Variants in TMEM132C observed in about 807,000 individuals in gnomAD.
The protein encoded by TMEM132C is protein phosphatase 1, regulatory subunit 152.
TMEM132C carries 29 observed loss-of-function variants against 61.4 expected under a neutral mutation model. The observed-to-expected ratio is 0.47, with a 90% confidence interval of 0.35 to 0.64. TMEM132C has a LOEUF of 0.64. Ranked by LOEUF, TMEM132C falls within the 30% of genes least tolerant of loss-of-function variation. The pLI, the probability that TMEM132C is intolerant of heterozygous loss-of-function variation, is 0.00. For missense variants in TMEM132C, 1,408 were observed against 1,476.9 expected (o/e 0.95, Z 0.76); for synonymous variants, 656 against 633.1 (o/e 1.04, Z -0.54).
intron 2 of TMEM132C, among the ~76,000 whole-genome samples, chr12:128,542,943 G>T (rs146417999): frequency 6.6e-6 from 1 of 151,146 alleles, no homozygotes. Flanking sequence ...ACTGTCTTAT[G>T]CCTTTTAAAA....
At chr12:128,433,948 C>T (rs1467798371) in intron 2 of TMEM132C, among the ~76,000 whole-genome samples, 4 of 152,172 alleles carry the variant, frequency 2.6e-5, no homozygotes, top group East Asian at 3.9e-4. Flanking sequence ...AAAAAGAAGG[C>T]GTCAGTGGGC....
chr12:128,492,281 T>C (rs1871765415), intron 2 of TMEM132C, among the ~76,000 whole-genome samples: 1 of 152,244 alleles, frequency 6.6e-6, no homozygotes, highest in African/African-American at 2.4e-5. Context: ...TCCAAGTCTT[T>C]GCTATTGTGA....
intron 1 of TMEM132C, among the ~76,000 whole-genome samples, chr12:128,332,363 G>A (rs903995797): frequency 1.1e-4 from 17 of 152,162 alleles, no homozygotes; most frequent in Admixed American, 3.9e-4. Flanking sequence ...CAGAACTATC[G>A]TCTAGAAATA....
intron 7 of TMEM132C, 124 bp downstream of exon 7, chr12:128,696,227 A>G: frequency 7.5e-7 from 1 of 1,325,320 alleles, no homozygotes; most frequent in Non-Finnish European, 1.0e-6. Flanking sequence ...GGAACACAGG[A>G]AGATGAGCCC....
intron 2 of TMEM132C, among the ~76,000 whole-genome samples, chr12:128,494,279 A>T (rs936264424): frequency 6.6e-6 from 1 of 152,088 alleles, no homozygotes; most frequent in Non-Finnish European, 1.5e-5. Flanking sequence ...TTTTTGCATC[A>T]ATGTTCATCA....
At chr12:128,400,793 G>A (rs1875130347) in intron 1 of TMEM132C, among the ~76,000 whole-genome samples, 1 of 151,658 alleles carries the variant, frequency 6.6e-6, no homozygotes, top group Non-Finnish European at 1.5e-5. Context: ...ATTTTTTTGT[G>A]GAGATGGGGT....
chr12:128,335,848 A>C (rs1026140214), intron 1 of TMEM132C, among the ~76,000 whole-genome samples: 3 of 152,204 alleles, frequency 2.0e-5, no homozygotes, highest in African/African-American at 7.2e-5. Flanking sequence ...AAATGGAGAA[A>C]TGTATCCTTG....
intron 2 of TMEM132C, among the ~76,000 whole-genome samples, chr12:128,496,781 C>A (rs1388986006): frequency 1.3e-5 from 2 of 152,200 alleles, no homozygotes; most frequent in Non-Finnish European, 2.9e-5. Context: ...GTTCGAACTT[C>A]TTCCTTTAGC....
chr12:128,400,791 G>C (rs114417342), intron 1 of TMEM132C, among the ~76,000 whole-genome samples: 4,411 of 151,704 alleles, frequency 0.029, 206 homozygotes, highest in African/African-American at 0.1. Context: ...GCATTTTTTT[G>C]TGGAGATGGG....
chr12:128,446,524 A>C (rs991154327), intron 2 of TMEM132C, among the ~76,000 whole-genome samples: 4 of 152,206 alleles, frequency 2.6e-5, no homozygotes, highest in African/African-American at 9.6e-5. Flanking sequence ...AAGGCATTTA[A>C]ATTTCTCCAT....
chr12:128,600,669 G>A (rs564883218), intron 3 of TMEM132C, among the ~76,000 whole-genome samples: 14 of 152,254 alleles, frequency 9.2e-5, no homozygotes, highest in East Asian at 7.8e-4. Context: ...GTCTCCTCGC[G>A]TGTCTTTAGC....
chr12:128,651,720 G>A (rs75952139), intron 4 of TMEM132C, among the ~76,000 whole-genome samples: 4,470 of 152,224 alleles, frequency 0.029, 208 homozygotes, highest in African/African-American at 0.1. Context: ...GGGAATGGGG[G>A]GTGAAGGAAG....
intron 2 of TMEM132C, among the ~76,000 whole-genome samples, chr12:128,484,121 A>G (rs936069287): frequency 2.6e-5 from 4 of 152,180 alleles, no homozygotes; most frequent in African/African-American, 9.6e-5. Flanking sequence ...TTTCCCACCC[A>G]TCAGAGAGCT....
intron 8 of TMEM132C, among the ~76,000 whole-genome samples, chr12:128,700,572 T>C (rs1379545258): frequency 1.3e-5 from 2 of 152,230 alleles, no homozygotes; most frequent in Non-Finnish European, 2.9e-5. Flanking sequence ...TTCAGTCTTT[T>C]ATCTCACCCC....
At chr12:128,312,824 C>T (rs1284604720) in intron 1 of TMEM132C, among the ~76,000 whole-genome samples, 1 of 152,240 alleles carries the variant, frequency 6.6e-6, no homozygotes, top group Non-Finnish European at 1.5e-5. Context: ...AGTAATGCAC[C>T]TTCATTCACA....
intron 2 of TMEM132C, among the ~76,000 whole-genome samples, chr12:128,543,007 T>G (rs113857675): frequency 0.044 from 6,631 of 152,174 alleles, 459 homozygotes; most frequent in African/African-American, 0.15. Context: ...TGAGTAGATG[T>G]GTGTGCTCAA....
chr12:128,698,962 A>G (rs1954784881), intron 8 of TMEM132C, among the ~76,000 whole-genome samples: 1 of 152,086 alleles, frequency 6.6e-6, no homozygotes, highest in South Asian at 2.1e-4. Context: ...GAGAACAGAG[A>G]GCAGTGATGG....
chr12:128,697,489 T>C (rs1954774895), intron 8 of TMEM132C, 74 bp downstream of exon 8: 2 of 1,408,776 alleles, frequency 1.4e-6, no homozygotes, highest in African/African-American at 2.9e-5. Flanking sequence ...AGGGGCAGGG[T>C]GGAGTGAGAA....
chr12:128,639,010 A>G (rs1204071464), intron 4 of TMEM132C, among the ~76,000 whole-genome samples: 2 of 78,446 alleles, frequency 2.5e-5, no homozygotes, highest in East Asian at 5.9e-4. Flanking sequence ...GGTGATGATG[A>G]TGGTGGTGAT....
Sources: gnomAD v4.1 joint callset for allele counts (sites outside exome capture counted in the v4.1 genomes callset) on GRCh38, gnomAD v4.1.1 for gene constraint, MANE v1.5 for transcripts, NCBI Gene and HGNC (gene_info 2026-07-23, HGNC 2026-07-21) for gene names.